DRAXIN: variants seen among roughly 807,000 people sequenced by gnomAD.
DRAXIN encodes dorsal repulsive axon guidance protein.
In DRAXIN, 27 loss-of-function variants were observed where a neutral mutation model predicts 33.9. The observed-to-expected ratio is 0.80, with a 90% confidence interval of 0.59 to 1.10. The LOEUF (loss-of-function observed/expected upper bound fraction) is 1.10, where lower values mean the gene tolerates loss of function less well. Among genes scored for constraint, DRAXIN ranks in the 50% least tolerant of loss-of-function variants. DRAXIN has a pLI of 0.00. For missense variants in DRAXIN, 371 were observed against 460.8 expected (o/e 0.81, Z 1.78); for synonymous variants, 178 against 194.0 (o/e 0.92, Z 0.69).
chr1:11,705,537 G>C lies in DRAXIN; in HGVS notation c.-10-712G>C, dbSNP rs1041721249. 2.6e-5 allele frequency among the ~76,000 whole-genome samples: 4 copies of C among 152,174 alleles called. No individual in the cohort carries two copies. The highest frequency in any genetic ancestry group is 9.7e-5 in the African/African-American group (4 of 41,426). ...TCTGGGGCCTCAGAGCTCATCATGA[G>C]AGGAGAAGAGAAAGGCAGAGCTGGG... On this transcript the variant is annotated intron_variant, in intron 1 of 6. Transcript: ENST00000294485. The surrounding 1 kb of genome is among the most constrained non-coding windows in gnomAD (Gnocchi z 4.8).
chr1:11,707,205 A>C (rs1370518812), intron 2 of DRAXIN, among the ~76,000 whole-genome samples: 1 of 152,162 alleles, frequency 6.6e-6, no homozygotes, highest in Non-Finnish European at 1.5e-5. Context: ...CGTCTCAAAA[A>C]ATAATAATAA....
intron 1 of DRAXIN, among the ~76,000 whole-genome samples, chr1:11,703,743 G>A (rs758693235): frequency 6.6e-6 from 1 of 152,176 alleles, no homozygotes; most frequent in African/African-American, 2.4e-5. Context: ...GGCTGGCTGC[G>A]TGGGTGATAT....
intron 5 of DRAXIN, among the ~76,000 whole-genome samples, chr1:11,713,075 G>A (rs1641522599): frequency 6.6e-6 from 1 of 151,972 alleles, no homozygotes; most frequent in Non-Finnish European, 1.5e-5. Flanking sequence ...GTGTGCGCCT[G>A]TAATCTCAGC....
At chr1:11,698,737 G>C (rs1476073771) in intron 1 of DRAXIN, among the ~76,000 whole-genome samples, 1 of 152,180 alleles carries the variant, frequency 6.6e-6, no homozygotes, top group African/African-American at 2.4e-5. Context: ...TGTGGCTGTT[G>C]TCCCAGCTAC....
At position 11,723,672 on chromosome 1, in the gene DRAXIN, G is replaced by T. The variant is rs375155735; in HGVS notation, c.*3976G>T. On this transcript the variant is annotated 3_prime_UTR_variant, in exon 7 of 7. Coordinates refer to ENST00000294485, the MANE Select transcript of DRAXIN (RefSeq NM_198545.4). Reference sequence around the variant, plus strand: ...CAGTGGCACGATCTCGGCTCACTGCGACCTCTGCCTCCTGGGTACAAGTGA... The same window carrying T: ...CAGTGGCACGATCTCGGCTCACTGCTACCTCTGCCTCCTGGGTACAAGTGA... 6.6e-6 allele frequency: 1 copy of T among 150,598 alleles called. No individual in the cohort carries two copies. Among genetic ancestry groups the T allele is most frequent in the Non-Finnish European group, 1.5e-5 (1 of 67,822 alleles). The allele number at this position is 150,598 out of a possible 1,614,324, so 9.3% of individuals were successfully genotyped here.
chr1:11,712,231 C>A, intron 4 of DRAXIN, 109 bp from the exon 5 acceptor site: 1 of 1,311,432 alleles, frequency 7.6e-7, no homozygotes, highest in Non-Finnish European at 1.1e-6. Context: ...GTGCCTTGTC[C>A]AAGCCATGCT....
intron 2 of DRAXIN, among the ~76,000 whole-genome samples, chr1:11,707,718 C>G (rs147500021): frequency 1.5e-4 from 23 of 152,324 alleles, no homozygotes; most frequent in Admixed American, 7.8e-4. Flanking sequence ...CCTAGCCCTT[C>G]CCACCTTCCT....
At chr1:11,693,543 G>C (rs1165404961) in intron 1 of DRAXIN, among the ~76,000 whole-genome samples, 1 of 152,170 alleles carries the variant, frequency 6.6e-6, no homozygotes, top group Non-Finnish European at 1.5e-5. Context: ...GCAGGTTCCA[G>C]GCTCCCCTGG....
chr1:11,715,336 G>A (rs1375715562), intron 6 of DRAXIN, 128 bp downstream of exon 6: 92 of 1,140,576 alleles, frequency 8.1e-5, no homozygotes, highest in Non-Finnish European at 1.1e-4. Context: ...ATGGGCCTGC[G>A]GCGGGGGTGT....
intron 5 of DRAXIN, among the ~76,000 whole-genome samples, chr1:11,712,914 A>C (rs569596753): frequency 1.3e-5 from 2 of 149,748 alleles, no homozygotes; most frequent in Admixed American, 6.7e-5. Flanking sequence ...AAAAAAAAAA[A>C]ATACCCTGGG....
chr1:11,718,085 C>T (rs1446639440), intron 6 of DRAXIN, among the ~76,000 whole-genome samples: 1 of 146,294 alleles, frequency 6.8e-6, no homozygotes, highest in Non-Finnish European at 1.5e-5. Context: ...GGGCAGATCA[C>T]TTGAGGCCAG....
At chr1:11,717,632 A>C (rs1004948088) in intron 6 of DRAXIN, among the ~76,000 whole-genome samples, 1 of 139,476 alleles carries the variant, frequency 7.2e-6, no homozygotes, top group Non-Finnish European at 1.5e-5. Flanking sequence ...TCTGCACTCC[A>C]GCCTGGGCAA....
rs1167592068 is a variant in DRAXIN, at chr1:11,719,676, G to T, written c.1030G>T (p.Gly344Ter). 1.2e-6 allele frequency: 2 copies of T among 1,614,066 alleles called. No individual in the cohort carries two copies. The highest frequency in any genetic ancestry group is 2.2e-5 in the East Asian group (1 of 44,882). ...GCCCGAGACGGCCAACGGCGACCAG[G>T]GATCCTTCATCAACGTCTAGCGGCC... ...VEPETANGDQ[G>*]SFINV is the part of the protein sequence containing the mutation. Residue 344 changes from glycine to a stop codon, truncating the protein, a stop_gained, in exon 7 of 7, where the codon GGA becomes TGA. Coordinates refer to ENST00000294485, the MANE Select transcript of DRAXIN (RefSeq NM_198545.4). LOFTEE classifies it high-confidence loss of function.
Position 11,706,127 on chromosome 1 carries a change from A to T in DRAXIN, c.-10-122A>T. The T allele has an allele frequency of 1.0e-6, 1 of 978,082 alleles. No homozygotes were observed. The highest frequency in any genetic ancestry group is 1.5e-6 in the Non-Finnish European group (1 of 686,530). The allele number at this position is 978,082 out of a possible 1,614,324, so 60.6% of individuals were successfully genotyped here. ...AAAATATGTCTTCGGGCATTGCCAA[A>T]TGTCACTGGGAGCAAAATGTCCCTC... On this transcript the variant is annotated intron_variant, in intron 1 of 6. Transcript: ENST00000294485. This position sits in a 1 kb window ranked among gnomAD's most constrained non-coding sequence, Gnocchi z 5.5.
chr1:11,713,687 A>G (rs555012723), intron 5 of DRAXIN, among the ~76,000 whole-genome samples: 1 of 152,124 alleles, frequency 6.6e-6, no homozygotes, highest in South Asian at 2.1e-4. Context: ...CCAGGAGTTC[A>G]GGACCAGCCT....
chr1:11,718,141 T>TAAAAAA (rs60384383), intron 6 of DRAXIN, among the ~76,000 whole-genome samples: 6 of 116,182 alleles, frequency 5.2e-5, no homozygotes, highest in African/African-American at 1.9e-4. Flanking sequence ...CCATCTCTGC[T>TAAAAAA]AAAAAAAAAA....
intron 2 of DRAXIN, among the ~76,000 whole-genome samples, chr1:11,708,757 G>C (rs1198363617): frequency 6.6e-6 from 1 of 152,114 alleles, no homozygotes; most frequent in African/African-American, 2.4e-5. Flanking sequence ...AGCTCCTCTG[G>C]GACCCAGCAC....
chr1:11,702,068 G>A (rs1641283336), intron 1 of DRAXIN, among the ~76,000 whole-genome samples: 1 of 146,382 alleles, frequency 6.8e-6, no homozygotes, highest in South Asian at 2.2e-4. Context: ...ACACACATAC[G>A]CTCACACATG....
chr1:11,689,610 G>A (rs900521655), upstream of DRAXIN, among the ~76,000 whole-genome samples: 1 of 152,158 alleles, frequency 6.6e-6, no homozygotes, highest in Non-Finnish European at 1.5e-5. Flanking sequence ...AAAAACAAAA[G>A]GCGGGGGGAG....
Sources: allele counts gnomAD v4.1 joint callset (sites outside exome capture counted in the v4.1 genomes callset), GRCh38; gene constraint gnomAD v4.1.1; non-coding constraint Gnocchi (gnomAD v3.1); transcripts MANE v1.5; gene names NCBI Gene and HGNC (gene_info 2026-07-23, HGNC 2026-07-21).